Variants in DNM3 observed in about 807,000 individuals in gnomAD.
The protein encoded by DNM3 is dynamin-3.
A neutral mutation model predicts 101.6 loss-of-function variants in DNM3; 47 were observed. That is an observed-to-expected ratio of 0.46 (90% CI 0.37 to 0.59). DNM3 has a LOEUF of 0.59. Ranked by LOEUF, DNM3 falls within the 20% of genes least tolerant of loss-of-function variation. The pLI, the probability that DNM3 is intolerant of heterozygous loss-of-function variation, is 0.00. For missense variants in DNM3, 849 were observed against 1,085.7 expected (o/e 0.78, Z 3.06); for synonymous variants, 385 against 387.9 (o/e 0.99, Z 0.09).
rs146988350 is a variant in DNM3 at position 172,394,651 on chromosome 1, A to G, written c.2522+5842A>G. Among the ~76,000 whole-genome samples, 478 of 152,290 alleles carry G rather than the reference A, an allele frequency of 3.1e-3. 2 individuals are homozygous for G. The highest frequency in any genetic ancestry group is 0.011 in the African/African-American group (449 of 41,564). ...TTGAAGCTTCAGCCATTGCAGGGAA[A>G]GCCTTCCTGAGTTTCAGGGGACCAA... On this transcript the variant is annotated intron_variant, in intron 20 of 20. Coordinates refer to ENST00000627582, the MANE Select transcript of DNM3 (RefSeq NM_015569.5).
chr1:172,049,147 A>G (rs1452424072), intron 10 of DNM3, among the ~76,000 whole-genome samples: 5 of 152,228 alleles, frequency 3.3e-5, no homozygotes, highest in Middle Eastern at 3.2e-3. Context: ...GCAAATATGT[A>G]TTCCACTTGA....
intron 18 of DNM3, chr1:172,381,073 A>ACACACATGTGCG (rs1341217539): frequency 6.0e-4 from 18 of 29,998 alleles, no homozygotes; most frequent in Admixed American, 1.8e-3. Context: ...ACATATGCGC[A>ACACACATGTGCG]CACACACACA....
At chr1:172,110,169 A>G (rs2055359062) in intron 13 of DNM3, among the ~76,000 whole-genome samples, 1 of 152,154 alleles carries the variant, frequency 6.6e-6, no homozygotes, top group African/African-American at 2.4e-5. Flanking sequence ...TCTGTGTTCC[A>G]GGTCTCCAGT....
intron 14 of DNM3, among the ~76,000 whole-genome samples, chr1:172,192,040 G>A (rs1004952492): frequency 2.6e-5 from 4 of 152,104 alleles, no homozygotes; most frequent in Admixed American, 6.6e-5. Context: ...TCTTGAATAC[G>A]AGTGGTGAGA....
intron 17 of DNM3, among the ~76,000 whole-genome samples, chr1:172,324,996 A>T (rs2065882192): frequency 6.6e-6 from 1 of 152,096 alleles, no homozygotes; most frequent in Non-Finnish European, 1.5e-5. Flanking sequence ...TCACTAGTGG[A>T]TTCACCGATG....
At chr1:172,246,707 G>A (rs1397035490) in intron 14 of DNM3, among the ~76,000 whole-genome samples, 1 of 152,142 alleles carries the variant, frequency 6.6e-6, no homozygotes, top group African/African-American at 2.4e-5. Flanking sequence ...TACTCTGGCG[G>A]GCAATCCAGT....
intron 4 of DNM3, among the ~76,000 whole-genome samples, chr1:172,021,768 C>G (rs768149888): frequency 2.6e-5 from 4 of 152,208 alleles, no homozygotes; most frequent in African/African-American, 4.8e-5. Flanking sequence ...CAATACTCAT[C>G]ATTGTGGTTG....
chr1:172,374,135 A>G (rs1003008226), intron 17 of DNM3, among the ~76,000 whole-genome samples: 1 of 152,030 alleles, frequency 6.6e-6, no homozygotes, highest in Non-Finnish European at 1.5e-5. Flanking sequence ...GAAACAAGAA[A>G]TTTGCAACAG....
At chr1:172,380,613 G>C (rs989136628) in intron 18 of DNM3, 1 of 152,018 alleles carries the variant, frequency 6.6e-6, no homozygotes, top group Non-Finnish European at 1.5e-5. Context: ...CCTTTGAGTT[G>C]AAGTCAGTTT....
intron 17 of DNM3, among the ~76,000 whole-genome samples, chr1:172,354,594 GT>G (rs527922335): frequency 1.3e-5 from 2 of 151,898 alleles, no homozygotes; most frequent in Non-Finnish European, 2.9e-5. Context: ...ATTTCTAGTG[GT>G]TTTTTTTAGA....
intron 2 of DNM3, among the ~76,000 whole-genome samples, chr1:171,971,697 A>G (rs2044005883): frequency 6.6e-6 from 1 of 152,208 alleles, no homozygotes. Context: ...GTGTAATTGA[A>G]GGCTTGCTAA....
At chr1:171,913,651 T>C (rs1312304313) in intron 1 of DNM3, among the ~76,000 whole-genome samples, 1 of 152,068 alleles carries the variant, frequency 6.6e-6, no homozygotes, top group Non-Finnish European at 1.5e-5. Flanking sequence ...GAGCAGGGGG[T>C]GGGCAGTATT....
chr1:172,223,005 G>A (rs10911326), intron 14 of DNM3, among the ~76,000 whole-genome samples: 25,228 of 151,838 alleles, frequency 0.17, 2,470 homozygotes, highest in East Asian at 0.27. Context: ...TTCCATACAC[G>A]TATACATTGC....
Position 172,408,323 on chromosome 1 carries a change from C to G in DNM3, c.*482C>G. 4.1e-6 allele frequency: 4 copies of G among 986,356 alleles called. No individual in the cohort carries two copies. Among genetic ancestry groups the G allele is most frequent in the Non-Finnish European group, 4.8e-6 (4 of 830,534 alleles). 61.1% of individuals were successfully genotyped at this position (986,356 alleles called of 1,614,324 possible). On this transcript the variant is annotated 3_prime_UTR_variant, in exon 21 of 21. Transcript: ENST00000627582. ...CTCCATAATTGCCTATTTAGCTCCT[C>G]TTTTCTTCCTTTTTATTTCATAAGA...
chr1:171,924,229 A>G (rs1304668692), intron 2 of DNM3, among the ~76,000 whole-genome samples: 2 of 152,048 alleles, frequency 1.3e-5, no homozygotes, highest in Non-Finnish European at 2.9e-5. Context: ...TGGTAGTTCT[A>G]TTTTTAGTCC....
At position 172,232,686 on chromosome 1, in the gene DNM3, G is replaced by A. The variant is rs963111352; in HGVS notation, c.1660-20887G>A. On this transcript the variant is annotated intron_variant, in intron 14 of 20. Transcript: ENST00000627582. Reference sequence around the variant, plus strand: ...AAAAGAACAGAAATTATAACAAACTGTCTCTCAGACCACAGTGCAATCAAG... The same window carrying A: ...AAAAGAACAGAAATTATAACAAACTATCTCTCAGACCACAGTGCAATCAAG... 3.4e-4 allele frequency among the ~76,000 whole-genome samples: 52 copies of A among 152,254 alleles called. 1 individual carries two copies. The highest frequency in any genetic ancestry group is 1.1e-3 in the African/African-American group (47 of 41,550).
At chr1:171,906,724 T>TC (rs911800640) in intron 1 of DNM3, among the ~76,000 whole-genome samples, 4 of 152,218 alleles carry the variant, frequency 2.6e-5, no homozygotes, top group African/African-American at 9.6e-5. Context: ...CCTGTTTTTT[T>TC]TGTATTTTAA....
At chr1:172,340,358 G>T (rs1324840187) in intron 17 of DNM3, among the ~76,000 whole-genome samples, 1 of 152,124 alleles carries the variant, frequency 6.6e-6, no homozygotes, top group Admixed American at 6.6e-5. Flanking sequence ...CCCATTGCTG[G>T]TCTCAGTTTC....
chr1:172,330,795 A>C (rs1294876685), intron 17 of DNM3, among the ~76,000 whole-genome samples: 1 of 152,214 alleles, frequency 6.6e-6, no homozygotes, highest in Non-Finnish European at 1.5e-5. Context: ...TATGTACCAT[A>C]AAAGAAATAG....
Sources: allele counts gnomAD v4.1 joint callset (sites outside exome capture counted in the v4.1 genomes callset), GRCh38; gene constraint gnomAD v4.1.1; transcripts MANE v1.5; gene names NCBI Gene and HGNC (gene_info 2026-07-23, HGNC 2026-07-21).